The following SLC2A4RG variants were observed in gnomAD, a reference collection of about 807,000 sequenced individuals.
SLC2A4RG encodes GLUT4 enhancer factor.
In SLC2A4RG, 23 loss-of-function variants were observed where a neutral mutation model predicts 35.5. That is an observed-to-expected ratio of 0.65 (90% confidence interval 0.47 to 0.92). The LOEUF (loss-of-function observed/expected upper bound fraction) is 0.92. Among genes scored for constraint, SLC2A4RG ranks in the 40% least tolerant of loss-of-function variants. SLC2A4RG has a pLI of 0.00. For missense variants in SLC2A4RG, 539 were observed against 525.0 expected, an observed-to-expected ratio of 1.03 and a Z score of -0.26; for synonymous variants, 306 against 243.7, an observed-to-expected ratio of 1.26 and a Z score of -2.38.
chr20:63,740,020 G>T lies in SLC2A4RG; in HGVS notation c.108G>T (p.Thr36=). The T allele has an allele frequency of 1.0e-6, 1 of 981,286 alleles. No individual in the cohort carries two copies. Among genetic ancestry groups the T allele is most frequent in the South Asian group, 4.6e-5 (1 of 21,902 alleles). The allele number at this position is 981,286 out of a possible 1,614,324, so 60.8% of individuals were successfully genotyped here. A position where few individuals can be genotyped will look rare whatever the true frequency, so the allele number is the denominator to read the frequency against. Residue 36 remains threonine, a synonymous_variant, in exon 1 of 8, where the codon ACG becomes ACT. Transcript: ENST00000266077. ...EGPGPRAAPV[T]VPTPPQGSSV... ...CGGGGCCGCGCGCCGCGCCCGTGACGGTGCCCACGCCGCCGCAGGTACCGG... is the reference window on the plus strand; with the variant it reads ...CGGGGCCGCGCGCCGCGCCCGTGACTGTGCCCACGCCGCCGCAGGTACCGG...
chr20:63,742,505 C>T lies in SLC2A4RG; in HGVS notation c.850C>T (p.Pro284Ser). ...CCTGGAGCTGCCAGAGCTGCTGGAG[C>T]CCCCAGCCCTGCCTAGTCCCCTGCG... ...PRLELPELLEPPALPSPLRPP... is the reference protein window; with the variant it reads ...PRLELPELLESPALPSPLRPP... The change falls in exon 6 of 8, where the codon CCC becomes TCC. Residue 284 changes from proline to serine, a missense_variant. Pro to Ser is a moderately conservative substitution (Grantham distance 74). Coordinates refer to ENST00000266077, the MANE Select transcript of SLC2A4RG (RefSeq NM_020062.4). 1.3e-6 allele frequency: 2 copies of T among 1,567,044 alleles called. No homozygotes were observed. The highest frequency in any genetic ancestry group is 8.6e-7 in the Non-Finnish European group (1 of 1,156,386).
In SLC2A4RG at chr20:63,741,498, C is replaced by T; in HGVS notation, c.391+19C>T. 6.2e-7 allele frequency: 1 copy of T among 1,602,546 alleles called. No homozygotes were observed. ...AGCCCAGGTAAGACTCAGATGTCTG[C>T]ATTTAGGGGTGTGGGTGGGGACAGG... is the stretch of plus-strand genomic sequence containing the variant. On this transcript the variant is annotated intron_variant, in intron 3 of 7. Coordinates refer to ENST00000266077, the MANE Select transcript of SLC2A4RG (RefSeq NM_020062.4).
chr20:63,741,776 G>T, intron 3 of SLC2A4RG, 93 bp from the exon 4 acceptor site: 2 of 1,454,810 alleles, frequency 1.4e-6, no homozygotes, highest in Non-Finnish European at 1.8e-6. Context: ...CTGCCCACCA[G>T]TCTCACCGGA....
chr20:63,740,731 C>T (rs1422312696), intron 2 of SLC2A4RG, among the ~76,000 whole-genome samples, 200 bp downstream of exon 2: 1 of 152,220 alleles, frequency 6.6e-6, no homozygotes, highest in Non-Finnish European at 1.5e-5. Context: ...ACCGCAGTTC[C>T]TCGGGGCTAG....
chr20:63,743,000 G>A lies in SLC2A4RG; in HGVS notation c.*10G>A, dbSNP rs762269575. 3.9e-5 allele frequency: 63 copies of A among 1,598,034 alleles called. No individual in the cohort carries two copies. The highest frequency in any genetic ancestry group is 9.0e-5 in the East Asian group (4 of 44,468). ...GCGGTTCCTGGACTAAGTCCGGCTC[G>A]TTCAAGAACATAAGCTACCACCTTC... On this transcript the variant is annotated 3_prime_UTR_variant, in exon 8 of 8. Coordinates refer to ENST00000266077, the MANE Select transcript of SLC2A4RG (RefSeq NM_020062.4).
chr20:63,740,532 G>A lies in SLC2A4RG; in HGVS notation c.281+1G>A. 1.6e-6 allele frequency: 2 copies of A among 1,229,310 alleles called. No homozygotes were observed. The highest frequency in any genetic ancestry group is 2.0e-6 in the Non-Finnish European group (2 of 986,088). The allele number at this position is 1,229,310 out of a possible 1,614,324, so 76.2% of individuals were successfully genotyped here. On this transcript the variant is annotated splice_donor_variant, in intron 2 of 7. Transcript: ENST00000266077. LOFTEE classifies it high-confidence loss of function. ...CGCACATCCCCGTCCCAGCGCAGAG[G>A]TGAGCGGGAGGCCCGGTGCCTCGGG...
At position 63,743,130 on chromosome 20, in the gene SLC2A4RG, C is replaced by CGTGGGGGGGGGGGGGG; in HGVS notation, c.*141_*142insTGGGGGGGGGGGGGGG. 1 of 94,514 alleles carries CGTGGGGGGGGGGGGGG rather than the reference C, an allele frequency of 1.1e-5. No homozygotes were observed. The highest frequency in any genetic ancestry group is 2.2e-5 in the Non-Finnish European group (1 of 44,752). The allele number at this position is 94,514 out of a possible 1,614,324, so 5.9% of individuals were successfully genotyped here. A position where few individuals can be genotyped will look rare whatever the true frequency, so the allele number is the denominator to read the frequency against. ...TCTGCTTTTACTTGGGGTGGGGGGG[C>CGTGGGGGGGGGGGGGG]GGGGCTGACCCTGAACCCTCCCCCC... On this transcript the variant is annotated 3_prime_UTR_variant, in exon 8 of 8. Coordinates refer to ENST00000266077, the MANE Select transcript of SLC2A4RG (RefSeq NM_020062.4).
At chr20:63,742,299 C>T (rs777730647) in intron 5 of SLC2A4RG, 37 bp from the exon 6 acceptor site, 5 of 1,604,542 alleles carry the variant, frequency 3.1e-6, no homozygotes, top group South Asian at 2.2e-5. Context: ...GCCAGGCCAC[C>T]CCTTCAGCTC....
In SLC2A4RG at chr20:63,742,402, T is replaced by C; in HGVS notation, c.747T>C (p.Gly249=). 2.5e-6 allele frequency: 4 copies of C among 1,611,546 alleles called. No individual in the cohort carries two copies. Among genetic ancestry groups the C allele is most frequent in the Non-Finnish European group, 3.4e-6 (4 of 1,179,438 alleles). ...TCTACTACACAGAGCTGGATGTTGGTGTGGACACGCTGACCGACGGGCTGT... is the reference window on the plus strand; with the variant it reads ...TCTACTACACAGAGCTGGATGTTGGCGTGGACACGCTGACCGACGGGCTGT... The part of the protein sequence containing the change: ...EDFYYTELDV[G]VDTLTDGLSS... Residue 249 remains glycine (G), a synonymous_variant, in exon 6 of 8, where the codon GGT becomes GGC. Coordinates refer to ENST00000266077, the MANE Select transcript of SLC2A4RG (RefSeq NM_020062.4).
intron 3 of SLC2A4RG, 103 bp from the exon 4 acceptor site, chr20:63,741,766 C>T: frequency 6.9e-7 from 1 of 1,447,976 alleles, no homozygotes; most frequent in Non-Finnish European, 9.1e-7. Context: ...CCAAGACGCT[C>T]TGCCCACCAG....
At chr20:63,742,097 G>A (rs370975551) in intron 4 of SLC2A4RG, 33 bp from the exon 5 acceptor site, 472 of 1,605,480 alleles carry the variant, frequency 2.9e-4, no homozygotes, top group Non-Finnish European at 3.4e-4. Flanking sequence ...CGGGTGTGGC[G>A]GCTGAGCCTG....
intron 2 of SLC2A4RG, among the ~76,000 whole-genome samples, chr20:63,741,070 C>G (rs553724042): frequency 6.6e-6 from 1 of 152,324 alleles, no homozygotes; most frequent in South Asian, 2.1e-4. Flanking sequence ...GGGCCTGGCC[C>G]GCCCCTCTGC....
Position 63,742,581 on chromosome 20 carries a change from A to G in SLC2A4RG, c.926A>G (p.Asn309Ser). 3 of 1,578,862 alleles carry G rather than the reference A, an allele frequency of 1.9e-6. No individual in the cohort carries two copies. Among genetic ancestry groups the G allele is most frequent in the Non-Finnish European group, 2.6e-6 (3 of 1,159,094 alleles). ...CCCCCTGTCCTGAGCACCGTTGCTAACCCCCAGTCCTGTCACAGTGACCGT... is the reference window on the plus strand; with the variant it reads ...CCCCCTGTCCTGAGCACCGTTGCTAGCCCCCAGTCCTGTCACAGTGACCGT... ...PPPPVLSTVA[N>S]PQSCHSDRVY... The change falls in exon 6 of 8, where the codon AAC (asparagine) becomes AGC (serine). Residue 309 changes from asparagine (N) to serine (S), a missense_variant. By Grantham distance (46) the Asn-to-Ser change is conservative. Transcript: ENST00000266077.
At position 63,739,840 on chromosome 20, in the gene SLC2A4RG, C is replaced by T; in HGVS notation, c.-73C>T. 1 of 975,500 alleles carries T rather than the reference C, an allele frequency of 1.0e-6. No homozygotes were observed. The highest frequency in any genetic ancestry group is 4.7e-5 in the South Asian group (1 of 21,126). 60.4% of individuals were successfully genotyped at this position (975,500 alleles called of 1,614,324 possible). ...GGGCGGGGGTCGGCGGCCCGGCCAG[C>T]CCGGCCCGGCCCGGGGCCGCGTCCT... On this transcript the variant is annotated 5_prime_UTR_variant, in exon 1 of 8. Coordinates refer to ENST00000266077, the MANE Select transcript of SLC2A4RG (RefSeq NM_020062.4).
chr20:63,740,315 G>A (rs374448980), intron 1 of SLC2A4RG, 62 bp from the exon 2 acceptor site: 2 of 1,110,134 alleles, frequency 1.8e-6, no homozygotes, highest in East Asian at 3.3e-5. Context: ...CGCGGCGGAG[G>A]TTGAGGGACC....
intron 3 of SLC2A4RG, 48 bp downstream of exon 3, chr20:63,741,527 CAG>C (rs2092041489): frequency 6.6e-7 from 1 of 1,517,532 alleles, no homozygotes; most frequent in Non-Finnish European, 9.0e-7. Context: ...GGACAGGGCT[CAG>C]AACCTACAGC....
At chr20:63,741,711 T>C (rs1299620372) in intron 3 of SLC2A4RG, among the ~76,000 whole-genome samples, 158 bp from the exon 4 acceptor site, 2 of 152,174 alleles carry the variant, frequency 1.3e-5, no homozygotes. Flanking sequence ...GCCAACCCTT[T>C]CCTGTGCCGG....
intron 3 of SLC2A4RG, 54 bp downstream of exon 3, chr20:63,741,533 CTACAG>C: frequency 1.3e-6 from 2 of 1,490,490 alleles, no homozygotes; most frequent in Non-Finnish European, 1.8e-6. Context: ...GGCTCAGAAC[CTACAG>C]CCACCCAGCC....
intron 3 of SLC2A4RG, 125 bp downstream of exon 3, chr20:63,741,604 G>A (rs1266066495): frequency 9.1e-6 from 10 of 1,100,586 alleles, no homozygotes; most frequent in African/African-American, 6.3e-5. Context: ...ATGGACTCCC[G>A]CACCCTCAGT....
Sources: allele counts gnomAD v4.1 joint callset (sites outside exome capture counted in the v4.1 genomes callset), GRCh38; gene constraint gnomAD v4.1.1; transcripts MANE v1.5; gene names NCBI Gene and HGNC (gene_info 2026-07-23, HGNC 2026-07-21).